ASIC2: variants seen among roughly 807,000 people sequenced by gnomAD.
ASIC2 encodes the protein acid-sensing ion channel 2.
Under a neutral mutation model 57.3 loss-of-function variants are expected in ASIC2, and 25 were observed. The ratio of observed to expected loss-of-function variants is 0.44; its 90% CI spans 0.32 to 0.61. The LOEUF (loss-of-function observed/expected upper bound fraction) is 0.61, where lower values mean the gene tolerates loss of function less well. ASIC2 is among the 20% of genes least tolerant of loss of function. The probability of loss-of-function intolerance (pLI) is 0.06; values close to 1 mark genes in which losing one functional copy is unlikely to be tolerated. For missense variants in ASIC2, 641 were observed against 738.1 expected (o/e 0.87, Z 1.52); for synonymous variants, 319 against 307.5 (o/e 1.04, Z -0.39).
At chr17:33,174,645 C>A (rs965469334) in intron 1 of ASIC2, among the ~76,000 whole-genome samples, 4 of 152,114 alleles carry the variant, frequency 2.6e-5, no homozygotes, top group African/African-American at 9.7e-5. Flanking sequence ...TGGCACTGCC[C>A]TGCAGTGTGA....
intron 1 of ASIC2, among the ~76,000 whole-genome samples, chr17:33,741,987 G>A (rs1324690755): frequency 6.6e-6 from 1 of 152,214 alleles, no homozygotes; most frequent in Non-Finnish European, 1.5e-5. Context: ...AAGGCCAGTG[G>A]TCAAAGGTCT....
At chr17:33,896,472 G>T (rs560813839) in intron 1 of ASIC2, among the ~76,000 whole-genome samples, 3 of 152,132 alleles carry the variant, frequency 2.0e-5, no homozygotes, top group Non-Finnish European at 4.4e-5. Flanking sequence ...GCCAGGGTAT[G>T]AATATTCATT....
At chr17:33,973,634 C>T (rs920669493) in intron 1 of ASIC2, among the ~76,000 whole-genome samples, 4 of 152,262 alleles carry the variant, frequency 2.6e-5, no homozygotes, top group South Asian at 2.1e-4. Flanking sequence ...TTGAATCAAG[C>T]GACCTCCTGA....
intron 1 of ASIC2, among the ~76,000 whole-genome samples, chr17:34,140,058 A>T (rs186311301): frequency 1.5e-3 from 221 of 152,326 alleles, no homozygotes; most frequent in African/African-American, 5.1e-3. Context: ...AAAGTTAGAA[A>T]ACTGTAAACA....
chr17:33,762,994 C>G lies in ASIC2; in HGVS notation c.555+392984G>C, dbSNP rs150144099. 6.0e-3 allele frequency among the ~76,000 whole-genome samples: 908 copies of G among 152,206 alleles called. 10 individuals carry two copies. Among genetic ancestry groups the G allele is most frequent in the African/African-American group, 0.02 (841 of 41,530 alleles). Reference sequence around the variant, plus strand: ...GCCCCATCTTTGCAATGACAAGATCCCTGAATCAGACAGGGAAAGGGAAGC... The same window carrying G: ...GCCCCATCTTTGCAATGACAAGATCGCTGAATCAGACAGGGAAAGGGAAGC... On this transcript the variant is annotated intron_variant, in intron 1 of 9. Coordinates refer to the ASIC2 transcript ENST00000359872.
At chr17:33,617,751 G>C (rs1905653624) in intron 1 of ASIC2, among the ~76,000 whole-genome samples, 1 of 152,182 alleles carries the variant, frequency 6.6e-6, no homozygotes, top group African/African-American at 2.4e-5. Flanking sequence ...ATAAGTTCCT[G>C]GGTTTCAATT....
intron 1 of ASIC2, among the ~76,000 whole-genome samples, chr17:33,345,622 G>T (rs1907912597): frequency 6.6e-6 from 1 of 152,148 alleles, no homozygotes; most frequent in African/African-American, 2.4e-5. Context: ...GTGGAAAGAG[G>T]TTTACATATT....
chr17:33,095,944 G>A (rs1470621175), intron 2 of ASIC2, among the ~76,000 whole-genome samples: 1 of 152,216 alleles, frequency 6.6e-6, no homozygotes, highest in Admixed American at 6.5e-5. Context: ...ATGGGGAGGG[G>A]CTTGGCCCAT....
intron 1 of ASIC2, among the ~76,000 whole-genome samples, chr17:33,314,940 C>A (rs1906582601): frequency 6.6e-6 from 1 of 152,128 alleles, no homozygotes; most frequent in Non-Finnish European, 1.5e-5. Flanking sequence ...GACACACAGT[C>A]TTGCCTCATT....
At chr17:33,822,847 A>G (rs1912788412) in intron 1 of ASIC2, among the ~76,000 whole-genome samples, 1 of 152,200 alleles carries the variant, frequency 6.6e-6, no homozygotes, top group Non-Finnish European at 1.5e-5. Context: ...GTTATCTACA[A>G]TTTTAGGGCT....
At chr17:33,799,377 C>CCTTT (rs150337011) in intron 1 of ASIC2, among the ~76,000 whole-genome samples, 902 of 40,732 alleles carry the variant, frequency 0.022, 27 homozygotes, top group African/African-American at 0.053. Context: ...TTTCTTTCTT[C>CCTTT]CTTTCTTTCT....
chr17:33,531,918 T>C (rs1430660908), intron 1 of ASIC2, among the ~76,000 whole-genome samples: 1 of 152,020 alleles, frequency 6.6e-6, no homozygotes, highest in African/African-American at 2.4e-5. Context: ...CCAGGTGAGG[T>C]CAAGGGCCAC....
chr17:33,610,826 T>A (rs1341431639), intron 1 of ASIC2, among the ~76,000 whole-genome samples: 3 of 152,012 alleles, frequency 2.0e-5, no homozygotes, highest in African/African-American at 7.3e-5. Flanking sequence ...GCCCAGGAGG[T>A]CGAGGCTGCA....
intron 1 of ASIC2, chr17:33,581,493 G>C (rs575264005): frequency 6.6e-6 from 1 of 152,256 alleles, no homozygotes; most frequent in East Asian, 1.9e-4. Flanking sequence ...TTGGCGTTTT[G>C]AACAAAGACT....
chr17:33,819,496 C>G (rs1005419265), intron 1 of ASIC2, among the ~76,000 whole-genome samples: 7 of 152,210 alleles, frequency 4.6e-5, no homozygotes, highest in African/African-American at 1.4e-4. Context: ...GTACTGAGGA[C>G]TTCATGAATC....
At chr17:33,183,905 C>G (rs1200500950) in intron 1 of ASIC2, among the ~76,000 whole-genome samples, 2 of 152,172 alleles carry the variant, frequency 1.3e-5, no homozygotes, top group Non-Finnish European at 2.9e-5. Context: ...CTGTTACCTC[C>G]TAGCTGTGCA....
intron 1 of ASIC2, among the ~76,000 whole-genome samples, chr17:33,306,877 C>T (rs915363287): frequency 3.3e-5 from 5 of 152,132 alleles, no homozygotes; most frequent in African/African-American, 9.7e-5. Flanking sequence ...GGTATTGATC[C>T]TCACAGCTTT....
intron 1 of ASIC2, chr17:33,533,904 C>T (rs1915140366): frequency 6.6e-6 from 1 of 152,190 alleles, no homozygotes. Context: ...CTCTCTGCAC[C>T]TCAATGTTTC....
intron 1 of ASIC2, among the ~76,000 whole-genome samples, chr17:33,894,556 T>C (rs1915046374): frequency 6.6e-6 from 1 of 152,126 alleles, no homozygotes. Flanking sequence ...ATTTTGCCGT[T>C]ATTCAGACCT....
Sources: gnomAD v4.1 joint callset for allele counts (sites outside exome capture counted in the v4.1 genomes callset) on GRCh38, gnomAD v4.1.1 for gene constraint, MANE v1.5 for transcripts, NCBI Gene and HGNC (gene_info 2026-07-23, HGNC 2026-07-21) for gene names.